NRXN1: variants seen among roughly 807,000 people sequenced by gnomAD.
The protein encoded by NRXN1 is neurexin 1.
In NRXN1, 39 loss-of-function variants were observed where a neutral mutation model predicts 150.9. The ratio of observed to expected loss-of-function variants is 0.26; its 90% CI spans 0.20 to 0.34. The LOEUF (loss-of-function observed/expected upper bound fraction) is 0.34, where lower values mean the gene tolerates loss of function less well. Ranked by LOEUF, NRXN1 falls within the 10% of genes least tolerant of loss-of-function variation. The pLI is 1.00. For missense variants in NRXN1, 1,815 were observed against 1,949.9 expected (o/e 0.93, Z 1.30); for synonymous variants, 924 against 757.0 (o/e 1.22, Z -3.62).
At chr2:50,012,708 A>C (rs537176808) in intron 21 of NRXN1, among the ~76,000 whole-genome samples, 84 of 152,266 alleles carry the variant, frequency 5.5e-4, no homozygotes, top group South Asian at 1.0e-3. Context: ...TCTACAAGGC[A>C]CCAAGTTCTG....
At chr2:50,091,620 C>G in intron 18 of NRXN1, 126 bp from the exon 19 acceptor site, 1 of 951,706 alleles carries the variant, frequency 1.1e-6, no homozygotes, top group Admixed American at 2.0e-5. Flanking sequence ...AATTTTACTT[C>G]TGAAAAACTA....
intron 5 of NRXN1, among the ~76,000 whole-genome samples, chr2:50,772,168 T>C (rs937760663): frequency 2.0e-5 from 3 of 151,926 alleles, no homozygotes; most frequent in African/African-American, 7.2e-5. Context: ...AGGTCTCCGA[T>C]GTGCTTGCCT....
rs1178411507 is a variant in NRXN1, at chr2:50,320,283, C to CTTATATATATATATAT, written c.3365-83314_3365-83313insATATATATATATATAA. Among the ~76,000 whole-genome samples, 2 of 43,040 alleles carry CTTATATATATATATAT rather than the reference C, an allele frequency of 4.6e-5. 1 individual carries two copies. The highest frequency in any genetic ancestry group is 1.2e-4 in the African/African-American group (2 of 17,070). 28.2% of individuals were successfully genotyped at this position (43,040 alleles called of 152,430 possible). ...TATTCATTTATTCTTATACCTCAAT[C>CTTATATATATATATAT]ATATATATATATATATATATATATA... is the stretch of plus-strand genomic sequence containing the variant. On this transcript the variant is annotated intron_variant, in intron 17 of 22. Coordinates refer to ENST00000401669, the MANE Select transcript of NRXN1 (RefSeq NM_001330078.2).
intron 18 of NRXN1, among the ~76,000 whole-genome samples, chr2:50,134,355 T>C (rs1220207732): frequency 6.6e-6 from 1 of 151,032 alleles, no homozygotes; most frequent in African/African-American, 2.4e-5. Flanking sequence ...TGGCCATCAT[T>C]AAGGATATTC....
intron 2 of NRXN1, among the ~76,000 whole-genome samples, chr2:51,012,546 G>A (rs1034913775): frequency 3.9e-5 from 6 of 151,916 alleles, no homozygotes; most frequent in Non-Finnish European, 4.4e-5. Context: ...AGTTTTATTC[G>A]TATTTGGATG....
chr2:50,381,567 ACACAC>A (rs1399214114), intron 17 of NRXN1, among the ~76,000 whole-genome samples: 20 of 141,484 alleles, frequency 1.4e-4, no homozygotes, highest in Admixed American at 7.1e-4. Context: ...ACACACACAC[ACACAC>A]AATCTGCTTT....
rs569099821 is a variant in NRXN1, at chr2:50,899,641, T to C, written c.832+22228A>G. Among the ~76,000 whole-genome samples the C allele has an allele frequency of 7.9e-5, 12 of 152,304 alleles. No individual in the cohort carries two copies. In the East Asian group the frequency reaches 2.1e-3, roughly 27 times the overall value. On this transcript the variant is annotated intron_variant, in intron 5 of 22. Coordinates refer to ENST00000401669, the MANE Select transcript of NRXN1 (RefSeq NM_001330078.2). The stretch of plus-strand genomic sequence containing the variant: ...CTTGAAGAGAGAGTTAATTTGTTTT[T>C]TTCTAATATTTTGCAGGATGTATTA...
intron 8 of NRXN1, among the ~76,000 whole-genome samples, chr2:50,571,345 G>A (rs1397989230): frequency 6.6e-6 from 1 of 152,162 alleles, no homozygotes; most frequent in Non-Finnish European, 1.5e-5. Flanking sequence ...ATTGTATTAA[G>A]TTTCCTGGGT....
intron 22 of NRXN1, among the ~76,000 whole-genome samples, chr2:49,937,038 G>C (rs1251771322): frequency 6.6e-6 from 1 of 152,152 alleles, no homozygotes; most frequent in Non-Finnish European, 1.5e-5. Context: ...CTGTCCCTTT[G>C]ATGTGTAAAT....
At chr2:50,443,185 A>G (rs141194363) in intron 17 of NRXN1, among the ~76,000 whole-genome samples, 1 of 152,330 alleles carries the variant, frequency 6.6e-6, no homozygotes, top group African/African-American at 2.4e-5. Context: ...TAAGATTAGT[A>G]CAATCCATTA....
chr2:50,920,298 G>A (rs1685815425), intron 5 of NRXN1, among the ~76,000 whole-genome samples: 1 of 151,656 alleles, frequency 6.6e-6, no homozygotes, highest in Admixed American at 6.6e-5. Context: ...ATTTAAGACT[G>A]ACATAGAAAA....
intron 6 of NRXN1, among the ~76,000 whole-genome samples, 180 bp downstream of exon 6, chr2:50,623,134 G>A (rs1309102181): frequency 6.6e-6 from 1 of 152,078 alleles, no homozygotes; most frequent in Non-Finnish European, 1.5e-5. Context: ...TGGGCTCCCA[G>A]AACTTTCTAG....
chr2:50,484,439 C>A (rs2090718499), intron 15 of NRXN1, among the ~76,000 whole-genome samples: 1 of 152,092 alleles, frequency 6.6e-6, no homozygotes, highest in African/African-American at 2.4e-5. Context: ...TACTTAAAAG[C>A]AGGGATCCCT....
At chr2:50,588,932 C>A (rs1285225832) in intron 8 of NRXN1, 1 of 152,114 alleles carries the variant, frequency 6.6e-6, no homozygotes, top group African/African-American at 2.4e-5. Flanking sequence ...TACAATAAAT[C>A]CTAGGAAACC....
chr2:50,747,499 C>T (rs1466863168), intron 5 of NRXN1, among the ~76,000 whole-genome samples: 1 of 152,106 alleles, frequency 6.6e-6, no homozygotes. Flanking sequence ...GGTTCCATCT[C>T]TTTCCCTGGT....
At chr2:50,514,844 G>C (rs745718481) in intron 12 of NRXN1, among the ~76,000 whole-genome samples, 1 of 152,150 alleles carries the variant, frequency 6.6e-6, no homozygotes, top group Admixed American at 6.6e-5. Flanking sequence ...ATTTAAGTGC[G>C]AGGAAACCTG....
At chr2:49,930,356 C>G (rs1669907948) in intron 22 of NRXN1, among the ~76,000 whole-genome samples, 1 of 151,972 alleles carries the variant, frequency 6.6e-6, no homozygotes, top group South Asian at 2.1e-4. Context: ...TATGACGGAC[C>G]AAGAGTAAAT....
At chr2:50,054,166 C>T (rs911676914) in intron 20 of NRXN1, among the ~76,000 whole-genome samples, 4 of 151,892 alleles carry the variant, frequency 2.6e-5, no homozygotes, top group Admixed American at 6.6e-5. Flanking sequence ...ATGGTTTACA[C>T]TGAGCATGTC....
chr2:50,161,350 A>G (rs2123386), intron 18 of NRXN1, among the ~76,000 whole-genome samples: 8,460 of 152,252 alleles, frequency 0.056, 875 homozygotes, highest in African/African-American at 0.19. Context: ...CTAGAATTCA[A>G]ATCATTTGGC....
Sources: allele counts gnomAD v4.1 joint callset (sites outside exome capture counted in the v4.1 genomes callset), GRCh38; gene constraint gnomAD v4.1.1; transcripts MANE v1.5; gene names NCBI Gene and HGNC (gene_info 2026-07-23, HGNC 2026-07-21).